The following PALM2AKAP2 variants were observed in gnomAD, a reference collection of about 807,000 sequenced individuals.
PALM2AKAP2 encodes the protein PALM2 and AKAP2 fusion.
PALM2AKAP2 carries 37 observed loss-of-function variants against 71.5 expected under a neutral mutation model. That is an observed-to-expected ratio of 0.52 (90% confidence interval 0.40 to 0.68). The LOEUF (loss-of-function observed/expected upper bound fraction) is 0.68, where lower values mean the gene tolerates loss of function less well. PALM2AKAP2 is among the 30% of genes least tolerant of loss of function. The pLI is 0.00. For missense variants in PALM2AKAP2, 1,224 were observed against 1,191.8 expected (o/e 1.03, Z -0.40); for synonymous variants, 468 against 478.8 (o/e 0.98, Z 0.29).
chr9:109,708,447 T>G (rs1305450975), intron 1 of PALM2AKAP2, among the ~76,000 whole-genome samples: 5 of 152,168 alleles, frequency 3.3e-5, no homozygotes, highest in Non-Finnish European at 7.3e-5. Context: ...AAACAATAAA[T>G]TAAGCATCAA....
chr9:110,060,590 G>T (rs559652860), intron 1 of PALM2AKAP2, among the ~76,000 whole-genome samples: 3 of 151,400 alleles, frequency 2.0e-5, no homozygotes, highest in African/African-American at 7.3e-5. Context: ...GGGTCAACAG[G>T]TCCAGGAGTT....
intron 6 of PALM2AKAP2, among the ~76,000 whole-genome samples, chr9:109,972,140 A>T (rs1276579106): frequency 6.6e-6 from 1 of 152,240 alleles, no homozygotes; most frequent in East Asian, 1.9e-4. Flanking sequence ...AGCTCTGAAT[A>T]GCATTGGTGC....
intron 1 of PALM2AKAP2, among the ~76,000 whole-genome samples, chr9:109,773,035 G>A (rs148303778): frequency 1.4e-4 from 21 of 152,170 alleles, no homozygotes; most frequent in South Asian, 4.2e-4. Context: ...GGAGAATGGC[G>A]TGAACCTGGA....
intron 2 of PALM2AKAP2, among the ~76,000 whole-genome samples, chr9:109,874,330 A>G (rs544539533): frequency 4.0e-4 from 61 of 152,346 alleles, no homozygotes; most frequent in African/African-American, 1.5e-3. Context: ...TGAGCAAAAA[A>G]GAAAAAAGGA....
chr9:110,068,959 T>C (rs1190444715), intron 1 of PALM2AKAP2, among the ~76,000 whole-genome samples: 3 of 152,234 alleles, frequency 2.0e-5, no homozygotes, highest in African/African-American at 4.8e-5. Context: ...TCTTACAGTA[T>C]AGAAATGAAA....
chr9:109,643,166 C>T (rs62581666), intron 1 of PALM2AKAP2, among the ~76,000 whole-genome samples: 31,481 of 152,034 alleles, frequency 0.21, 3,319 homozygotes, highest in African/African-American at 0.27. Flanking sequence ...TTGAGAGTAA[C>T]ATAATTCCCA....
chr9:110,146,681 C>T (rs559399678), intron 2 of PALM2AKAP2, among the ~76,000 whole-genome samples: 9 of 152,232 alleles, frequency 5.9e-5, no homozygotes, highest in Admixed American at 5.9e-4. Context: ...CTTTTACCAG[C>T]CATAGTTACT....
chr9:109,960,069 C>T (rs1831825324), intron 6 of PALM2AKAP2, among the ~76,000 whole-genome samples: 1 of 152,140 alleles, frequency 6.6e-6, no homozygotes, highest in African/African-American at 2.4e-5. Context: ...AACCTTAGTT[C>T]CCACTGATTC....
intron 7 of PALM2AKAP2, among the ~76,000 whole-genome samples, chr9:110,016,654 A>G (rs928042245): frequency 6.6e-6 from 1 of 152,340 alleles, no homozygotes; most frequent in East Asian, 1.9e-4. Flanking sequence ...AATCTGTAGC[A>G]AAAGTTATCA....
At chr9:109,906,483 G>A (rs1266988814) in intron 3 of PALM2AKAP2, among the ~76,000 whole-genome samples, 1 of 152,230 alleles carries the variant, frequency 6.6e-6, no homozygotes, top group African/African-American at 2.4e-5. Flanking sequence ...ACAGGCATGA[G>A]CCACTGTGCC....
chr9:110,168,440 G>A (rs773709246), exon 4 of PALM2AKAP2: 20 of 1,614,022 alleles, frequency 1.2e-5, no homozygotes, highest in Middle Eastern at 1.6e-4. Flanking sequence ...AGAGCGCACT[G>A]GCTTTGCGCT....
intron 3 of PALM2AKAP2, among the ~76,000 whole-genome samples, chr9:109,896,550 C>T (rs1257788882): frequency 5.3e-5 from 8 of 152,136 alleles, no homozygotes; most frequent in African/African-American, 9.7e-5. Context: ...GTGGCTCATG[C>T]CTGTAGTCCC....
intron 5 of PALM2AKAP2, among the ~76,000 whole-genome samples, chr9:109,928,710 C>T (rs1831014029): frequency 6.7e-6 from 1 of 150,074 alleles, no homozygotes; most frequent in South Asian, 2.1e-4. Context: ...CTCACTCTGT[C>T]ACCCGGGCTG....
chr9:109,874,646 T>A (rs1436400987), intron 2 of PALM2AKAP2, among the ~76,000 whole-genome samples: 3 of 152,242 alleles, frequency 2.0e-5, no homozygotes, highest in Non-Finnish European at 4.4e-5. Context: ...TTCTGACATG[T>A]CCGCTTAGAT....
intron 1 of PALM2AKAP2, among the ~76,000 whole-genome samples, chr9:109,746,423 A>G (rs1407793210): frequency 6.6e-6 from 1 of 152,232 alleles, no homozygotes; most frequent in Non-Finnish European, 1.5e-5. Context: ...TAGGTCCCCA[A>G]ATAAATGGAA....
chr9:110,064,281 G>A (rs1564286237), intron 1 of PALM2AKAP2, among the ~76,000 whole-genome samples: 2 of 152,148 alleles, frequency 1.3e-5, no homozygotes, highest in South Asian at 2.1e-4. Context: ...AATAGAAGGC[G>A]ATTTTTGGAA....
At chr9:109,897,672 T>C (rs570089679) in intron 3 of PALM2AKAP2, among the ~76,000 whole-genome samples, 1 of 152,304 alleles carries the variant, frequency 6.6e-6, no homozygotes, top group South Asian at 2.1e-4. Flanking sequence ...ATGGAATGAT[T>C]CTCAGACCAA....
chr9:110,052,155 G>A (rs1048308682), intron 1 of PALM2AKAP2, among the ~76,000 whole-genome samples: 1 of 152,128 alleles, frequency 6.6e-6, no homozygotes, highest in African/African-American at 2.4e-5. Flanking sequence ...GCCCGCCTCG[G>A]CCTCCCAAAA....
exon 2 of PALM2AKAP2, chr9:110,137,128 A>G (rs1344219904): frequency 2.5e-6 from 4 of 1,613,554 alleles, no homozygotes; most frequent in Non-Finnish European, 2.5e-6. Flanking sequence ...AGCTCTGCAC[A>G]GCCCCTGCCT....
Sources: allele counts gnomAD v4.1 joint callset (sites outside exome capture counted in the v4.1 genomes callset), GRCh38; gene constraint gnomAD v4.1.1; transcripts MANE v1.5; gene names NCBI Gene and HGNC (gene_info 2026-07-23, HGNC 2026-07-21).